SHOX2: variants seen among roughly 807,000 people sequenced by gnomAD.
The protein encoded by SHOX2 is SHOX homeobox 2, also known as short stature homeobox protein 2.
SHOX2 carries 13 observed loss-of-function variants against 31.3 expected under a neutral mutation model. That is an observed-to-expected ratio of 0.42 (90% CI 0.27 to 0.66). The LOEUF (loss-of-function observed/expected upper bound fraction) is 0.66, where lower values mean the gene tolerates loss of function less well. SHOX2 is among the 30% of genes least tolerant of loss of function. The pLI is 0.27. For synonymous variants in SHOX2, 244 were observed against 196.2 expected, an observed-to-expected ratio of 1.24 and a Z score of -2.04; for missense variants, 473 against 443.0, an observed-to-expected ratio of 1.07 and a Z score of -0.61.
chr3:158,096,517 T>C lies in SHOX2; in HGVS notation c.*1510A>G, dbSNP rs1713095321. On this transcript the variant is annotated 3_prime_UTR_variant, in exon 5 of 5. Transcript: ENST00000483851. ...ATGTTGAAAGTCAGTCCACACATTATAGTCAAAATAAACTTTGTTCGTGTG... is the reference window on the plus strand; with the variant it reads ...ATGTTGAAAGTCAGTCCACACATTACAGTCAAAATAAACTTTGTTCGTGTG... The C allele has an allele frequency of 6.6e-6, 1 of 152,552 alleles. No individual in the cohort carries two copies. Among genetic ancestry groups the C allele is most frequent in the Admixed American group, 6.5e-5 (1 of 15,282 alleles). 9.4% of individuals were successfully genotyped at this position (152,552 alleles called of 1,614,324 possible).
chr3:158,097,660 A>AT lies in SHOX2; in HGVS notation c.*366dup, dbSNP rs371067880. On this transcript the variant is annotated 3_prime_UTR_variant, in exon 5 of 5. Coordinates refer to ENST00000483851, the MANE Select transcript of SHOX2 (RefSeq NM_001163678.2). ...TGCTCATTTTTTCATTGTTAACAAGATTTTTTTTTCTATGCAAGAGTCCAT... is the reference window on the plus strand; with the variant it reads ...TGCTCATTTTTTCATTGTTAACAAGATTTTTTTTTTCTATGCAAGAGTCCAT... 371 of 201,662 alleles carry AT rather than the reference A, an allele frequency of 1.8e-3. 2 individuals are homozygous for AT. The highest frequency in any genetic ancestry group is 0.015 in the South Asian group (76 of 5,226). 12.5% of individuals were successfully genotyped at this position (201,662 alleles called of 1,614,324 possible).
rs759112122 is a variant in SHOX2, at chr3:158,105,824, G to A, written c.201C>T (p.Gly67=). Reference sequence around the variant, plus strand: ...CTCCGCCTCCTCCGCCGCCGCCTCCGCCTCCTCCGCCGCCGCCTCCGCCGG... The same window carrying A: ...CTCCGCCTCCTCCGCCGCCGCCTCCACCTCCTCCGCCGCCGCCTCCGCCGG... ...RAAGGGGGGG[G]GGGGGGGGGG... Residue 67 remains glycine, a synonymous_variant, in exon 1 of 5, where the codon GGC becomes GGT. Coordinates refer to ENST00000483851, the MANE Select transcript of SHOX2 (RefSeq NM_001163678.2). 57 of 1,460,490 alleles carry A rather than the reference G, an allele frequency of 3.9e-5. No homozygotes were observed. In the African/African-American group the frequency reaches 4.6e-4, roughly 12 times the overall value. The allele number at this position is 1,460,490 out of a possible 1,614,324, so 90.5% of individuals were successfully genotyped here. A position where few individuals can be genotyped will look rare whatever the true frequency, so the allele number is the denominator to read the frequency against.
At chr3:158,098,356 G>A (rs1358791180) in intron 4 of SHOX2, 72 bp from the exon 5 acceptor site, 2 of 1,557,816 alleles carry the variant, frequency 1.3e-6, no homozygotes, top group South Asian at 1.2e-5. Context: ...GAGCATTAAC[G>A]GCGTCCAGCT....
rs1220359200 is a variant in SHOX2 at position 158,097,709 on chromosome 3, A to G, written c.*318T>C. The G allele has an allele frequency of 1.9e-5, 6 of 317,550 alleles. No homozygotes were observed. In the East Asian group the frequency reaches 2.1e-4, roughly 11 times the overall value. The allele number at this position is 317,550 out of a possible 1,614,324, so 19.7% of individuals were successfully genotyped here. ...ATCGTTGCAGCTTTGCGGTGAGCCA[A>G]ACTCCGCGGTTCCAGCACTCCCCTG... On this transcript the variant is annotated 3_prime_UTR_variant, in exon 5 of 5. Coordinates refer to ENST00000483851, the MANE Select transcript of SHOX2 (RefSeq NM_001163678.2).
intron 2 of SHOX2, 90 bp downstream of exon 2, chr3:158,102,588 G>T: frequency 2.0e-6 from 2 of 1,014,552 alleles, no homozygotes; most frequent in Non-Finnish European, 3.1e-6. Context: ...GACACTAGAA[G>T]CACCACCTCC....
Position 158,106,334 on chromosome 3 carries a change from G to A in SHOX2, c.-310C>T, listed in dbSNP as rs1713937449. On this transcript the variant is annotated 5_prime_UTR_variant, in exon 1 of 5. Transcript: ENST00000483851. ...GGGGCGGGGGCTGCCGGAGGGAAATGGGAACTGATGCTTCCCTGCCGGAGC... is the reference window on the plus strand; with the variant it reads ...GGGGCGGGGGCTGCCGGAGGGAAATAGGAACTGATGCTTCCCTGCCGGAGC... 4.8e-6 allele frequency: 2 copies of A among 417,542 alleles called. No individual in the cohort carries two copies. Among genetic ancestry groups the A allele is most frequent in the South Asian group, 2.5e-5 (1 of 39,598 alleles). The allele number at this position is 417,542 out of a possible 1,614,324, so 25.9% of individuals were successfully genotyped here.
At chr3:158,105,383 A>G (rs1020728053) in intron 1 of SHOX2, 1 of 579,106 alleles carries the variant, frequency 1.7e-6, no homozygotes, top group Non-Finnish European at 3.1e-6. Flanking sequence ...CTGCGGGCCC[A>G]TCCTCCCGCT....
Position 158,096,270 on chromosome 3 carries a change from T to G in SHOX2, c.*1757A>C, listed in dbSNP as rs546799424. ...GTTCAGTTAGAAGAGCTTTTCCTCTTTCTTGTAAATTAGAAGGTAAAACAA... is the reference window on the plus strand; with the variant it reads ...GTTCAGTTAGAAGAGCTTTTCCTCTGTCTTGTAAATTAGAAGGTAAAACAA... On this transcript the variant is annotated 3_prime_UTR_variant, in exon 5 of 5. Transcript: ENST00000483851. 2 of 152,362 alleles carry G rather than the reference T, an allele frequency of 1.3e-5. No homozygotes were observed. Among genetic ancestry groups the G allele is most frequent in the Admixed American group, 1.3e-4 (2 of 15,302 alleles). 9.4% of individuals were successfully genotyped at this position (152,362 alleles called of 1,614,324 possible).
intron 2 of SHOX2, among the ~76,000 whole-genome samples, chr3:158,101,075 G>A (rs1713459141): frequency 6.6e-6 from 1 of 152,210 alleles, no homozygotes; most frequent in South Asian, 2.1e-4. Context: ...TGTTCTCCTG[G>A]ATGTTACCTG....
In SHOX2 at chr3:158,105,737, C is replaced by T; in HGVS notation, c.288G>A (p.Glu96=). 2 of 1,524,850 alleles carry T rather than the reference C, an allele frequency of 1.3e-6. No homozygotes were observed. Among genetic ancestry groups the T allele is most frequent in the Non-Finnish European group, 8.8e-7 (1 of 1,137,212 alleles). The allele number at this position is 1,524,850 out of a possible 1,614,324, so 94.5% of individuals were successfully genotyped here. The change falls in exon 1 of 5, where the codon GAG becomes GAA. Residue 96 remains glutamate (E), a synonymous_variant. Coordinates refer to ENST00000483851, the MANE Select transcript of SHOX2 (RefSeq NM_001163678.2). ...GAGGGRSPVR[E]LDMGAAERSR... ...TTCTCTCGGCGGCGCCCATGTCCAG[C>T]TCCCGGACGGGAGAGCGCCCTCCTC...
At chr3:158,100,005 G>T (rs189200620) in intron 3 of SHOX2, 57 bp from the exon 4 acceptor site, 3 of 1,407,306 alleles carry the variant, frequency 2.1e-6, no homozygotes, top group African/African-American at 1.4e-5. Flanking sequence ...CATTTTTCAG[G>T]GTTCCAAAGG....
intron 4 of SHOX2, 137 bp downstream of exon 4, chr3:158,099,723 A>G (rs1041402159): frequency 8.6e-6 from 6 of 695,110 alleles, no homozygotes; most frequent in Non-Finnish European, 1.0e-5. Context: ...TAGTGGGTCC[A>G]CTATATCATC....
rs1713882504 is a variant in SHOX2, at chr3:158,105,821, T to TCCGCCTCCTCCG, written c.192_203dup (p.Gly74_Gly77dup). ...CTCCTCCGCCTCCTCCGCCGCCGCC[T>TCCGCCTCCTCCG]CCGCCTCCTCCGCCGCCGCCTCCGC... On this transcript the variant is annotated inframe_insertion, in exon 1 of 5. Coordinates refer to ENST00000483851, the MANE Select transcript of SHOX2 (RefSeq NM_001163678.2). 4 of 1,453,290 alleles carry TCCGCCTCCTCCG rather than the reference T, an allele frequency of 2.8e-6. No homozygotes were observed. The highest frequency in any genetic ancestry group is 1.8e-6 in the Non-Finnish European group (2 of 1,103,214). The allele number at this position is 1,453,290 out of a possible 1,614,324, so 90.0% of individuals were successfully genotyped here.
intron 1 of SHOX2, 108 bp downstream of exon 1, chr3:158,105,571 C>G: frequency 9.7e-7 from 1 of 1,032,792 alleles, no homozygotes; most frequent in Non-Finnish European, 1.4e-6. Flanking sequence ...CCAGGGCCCT[C>G]TCCGTGTCCC....
In SHOX2 at chr3:158,098,304, A is replaced by G. The variant is rs368215939; in HGVS notation, c.703-20T>C. 4 of 1,611,376 alleles carry G rather than the reference A, an allele frequency of 2.5e-6. No homozygotes were observed. Among genetic ancestry groups the G allele is most frequent in the Non-Finnish European group, 2.5e-6 (3 of 1,178,522 alleles). On this transcript the variant is annotated intron_variant, in intron 4 of 4. Coordinates refer to ENST00000483851, the MANE Select transcript of SHOX2 (RefSeq NM_001163678.2). ...CTGAACCTGAAAGGACAAGGGCGTC[A>G]CGTTGCAATGACTATCCTAGGGTGA...
chr3:158,100,398 T>C, intron 2 of SHOX2, 87 bp from the exon 3 acceptor site: 1 of 989,220 alleles, frequency 1.0e-6, no homozygotes. Context: ...GAGAAAAGAG[T>C]CGTGGTTTAG....
chr3:158,098,155 C>A lies in SHOX2; in HGVS notation c.832G>T (p.Ala278Ser). Residue 278 changes from alanine to serine, a missense_variant, in exon 5 of 5, where the codon GCC (alanine) becomes TCC (serine). By Grantham distance (99) the Ala-to-Ser change is moderately conservative. Transcript: ENST00000483851. ...GAGGCGGCGGAAGCCGAATCCGCGGCCAGCGTGGCGAGCGGCAGTCCGAAG... is the reference window on the plus strand; with the variant it reads ...GAGGCGGCGGAAGCCGAATCCGCGGACAGCGTGGCGAGCGGCAGTCCGAAG... ...PPFGLPLATL[A>S]ADSASAASVV... 1 of 1,613,432 alleles carries A rather than the reference C, an allele frequency of 6.2e-7. No homozygotes were observed. Among genetic ancestry groups the A allele is most frequent in the South Asian group, 1.1e-5 (1 of 91,032 alleles).
intron 1 of SHOX2, chr3:158,103,163 C>G: frequency 1.9e-6 from 1 of 521,282 alleles, no homozygotes; most frequent in South Asian, 2.0e-5. Context: ...CTCGACTCAC[C>G]GCCTCACTAT....
In SHOX2 at chr3:158,098,253, A is replaced by G. The variant is rs763741543; in HGVS notation, c.734T>C (p.Val245Ala). 6.2e-7 allele frequency: 1 copy of G among 1,613,928 alleles called. No individual in the cohort carries two copies. The change falls in exon 5 of 5, where the codon GTG (valine) becomes GCG (alanine). Residue 245 changes from valine (V) to alanine (A), a missense_variant. Around this residue, in one of 3 missense-constraint regions of SHOX2, gnomAD observed 182 missense variants for 167.2 expected, o/e 1.09. Transcript: ENST00000483851. ...VQAQLQLDSA[V>A]AHAHHHLHPH... ...ATGCAGGTGGTGGTGCGCGTGCGCC[A>G]CAGCGCTGTCCAGCTGCAGCTGCGC...
Sources: gnomAD v4.1 joint callset for allele counts (sites outside exome capture counted in the v4.1 genomes callset) on GRCh38, gnomAD v4.1.1 for gene constraint, gnomAD v4.1.1 regional missense constraint, MANE v1.5 for transcripts, NCBI Gene and HGNC (gene_info 2026-07-23, HGNC 2026-07-21) for gene names.